The following RGPD8 variants were observed in gnomAD, a reference collection of about 807,000 sequenced individuals.
RGPD8 encodes the protein RANBP2 like and GRIP domain containing 8, also known as RANBP2-like and GRIP domain-containing protein 8.
RGPD8 carries 15 observed loss-of-function variants against 89.1 expected under a neutral mutation model. That is an observed-to-expected ratio of 0.17 (90% CI 0.11 to 0.26). RGPD8 has a LOEUF of 0.26. RGPD8 is among the 10% of genes least tolerant of loss of function. The probability of loss-of-function intolerance (pLI) is 1.00; values close to 1 mark genes in which losing one functional copy is unlikely to be tolerated. For synonymous variants in RGPD8, 62 were observed against 420.9 expected (o/e 0.15, Z 10.44); for missense variants, 178 against 1,179.6 (o/e 0.15, Z 12.44).
chr2:112,433,369 C>G lies in RGPD8; in HGVS notation c.72+13G>C, dbSNP rs776730268. On this transcript the variant is annotated intron_variant, in intron 1 of 22. Coordinates refer to ENST00000302558, the MANE Select transcript of RGPD8 (RefSeq NM_001164463.1). ...CCGGGTCGAGGCCGCCGCTCTCTTC[C>G]AGACCCACTCACCTGTCGAGGCGAC... The G allele has an allele frequency of 2.2e-5, 35 of 1,609,858 alleles. No individual in the cohort carries two copies. The highest frequency in any genetic ancestry group is 3.3e-5 in the South Asian group (3 of 90,924).
chr2:112,390,645 G>GTT (rs1396892301), intron 19 of RGPD8, among the ~76,000 whole-genome samples: 1 of 130,928 alleles, frequency 7.6e-6, no homozygotes, highest in East Asian at 2.1e-4. Flanking sequence ...TCAATCAATT[G>GTT]TTATATATAT....
At chr2:112,433,353 G>A (rs1392798645) in intron 1 of RGPD8, 29 bp downstream of exon 1, 2 of 1,594,510 alleles carry the variant, frequency 1.3e-6, no homozygotes, top group African/African-American at 1.4e-5. Flanking sequence ...GCCGGGTCGA[G>A]GCCGCCGCTC....
intron 1 of RGPD8, chr2:112,432,693 G>C (rs1276138429): frequency 1.0e-6 from 1 of 985,226 alleles, no homozygotes; most frequent in Non-Finnish European, 1.2e-6. Flanking sequence ...AAGCCCCCGA[G>C]AACTAGGCCG....
intron 1 of RGPD8, among the ~76,000 whole-genome samples, chr2:112,425,976 T>C (rs1284972064): frequency 6.6e-6 from 1 of 152,068 alleles, no homozygotes; most frequent in East Asian, 1.9e-4. Flanking sequence ...ACTAAGCACT[T>C]ATCACACACT....
intron 1 of RGPD8, among the ~76,000 whole-genome samples, chr2:112,432,978 C>G (rs1680117982): frequency 8.3e-6 from 1 of 120,694 alleles, no homozygotes; most frequent in African/African-American, 2.7e-5. Context: ...GAGGCCGCCG[C>G]CTCAACAGAG....
chr2:112,373,245 T>C (rs1228434113), intron 22 of RGPD8, among the ~76,000 whole-genome samples: 1 of 152,206 alleles, frequency 6.6e-6, no homozygotes, highest in Non-Finnish European at 1.5e-5. Flanking sequence ...AGAAGAGCAA[T>C]CTATACTTAC....
intron 22 of RGPD8, 141 bp from the exon 23 acceptor site, chr2:112,370,353 G>GA: frequency 1.9e-6 from 1 of 525,894 alleles, no homozygotes; most frequent in African/African-American, 2.2e-5. Flanking sequence ...TTTGGTGGGG[G>GA]GGGGGGTTCT....
At chr2:112,428,915 G>A (rs1182696046) in intron 1 of RGPD8, among the ~76,000 whole-genome samples, 2 of 151,642 alleles carry the variant, frequency 1.3e-5, no homozygotes, top group Non-Finnish European at 2.9e-5. Flanking sequence ...CCTGCACAAT[G>A]TGCACATGTA....
chr2:112,371,921 G>C (rs1418935727), intron 22 of RGPD8, among the ~76,000 whole-genome samples: 2 of 150,388 alleles, frequency 1.3e-5, no homozygotes, highest in African/African-American at 5.0e-5. Flanking sequence ...TGTTCTGTCT[G>C]GTTTTATCTG....
At chr2:112,416,373 T>C (rs1455362512) in intron 6 of RGPD8, among the ~76,000 whole-genome samples, 3 of 150,670 alleles carry the variant, frequency 2.0e-5, no homozygotes, top group East Asian at 1.9e-4. Context: ...TTATACCAGA[T>C]GGGGAAATAA....
intron 1 of RGPD8, chr2:112,432,598 C>G (rs1175335387): frequency 1.0e-6 from 1 of 985,108 alleles, no homozygotes; most frequent in African/African-American, 1.7e-5. Flanking sequence ...TCCTCCAGGC[C>G]AAGGAGGTAC....
At chr2:112,429,849 A>T (rs1255905391) in intron 1 of RGPD8, among the ~76,000 whole-genome samples, 1 of 152,080 alleles carries the variant, frequency 6.6e-6, no homozygotes, top group Non-Finnish European at 1.5e-5. Flanking sequence ...GCTCTGTCAC[A>T]CAGGCTGGAG....
intron 4 of RGPD8, among the ~76,000 whole-genome samples, chr2:112,419,912 T>C (rs1166468349): frequency 7.4e-6 from 1 of 135,740 alleles, no homozygotes; most frequent in African/African-American, 2.8e-5. Flanking sequence ...TTTGGAAGCA[T>C]CTTCAATGCT....
In RGPD8 at chr2:112,422,703, G is replaced by A. The variant is rs1679608048; in HGVS notation, c.141-44C>T. ...ACAAAAGTAAATTAAACTTAGAACT[G>A]TACTTTTAAATGCTAACCGAAGAAT... On this transcript the variant is annotated intron_variant, in intron 2 of 22. Transcript: ENST00000302558. The A allele has an allele frequency of 1.8e-5, 12 of 683,730 alleles. No homozygotes were observed. The South Asian group carries it at 2.3e-4, about 13-fold the overall frequency. 42.4% of individuals were successfully genotyped at this position (683,730 alleles called of 1,614,324 possible). A position where few individuals can be genotyped will look rare whatever the true frequency, so the allele number is the denominator to read the frequency against.
In RGPD8 at chr2:112,433,566, G is replaced by T; in HGVS notation, c.-113C>A. 1 of 1,160,294 alleles carries T rather than the reference G, an allele frequency of 8.6e-7. No homozygotes were observed. Among genetic ancestry groups the T allele is most frequent in the Non-Finnish European group, 1.2e-6 (1 of 834,638 alleles). 71.9% of individuals were successfully genotyped at this position (1,160,294 alleles called of 1,614,324 possible). A position where few individuals can be genotyped will look rare whatever the true frequency, so the allele number is the denominator to read the frequency against. On this transcript the variant is annotated 5_prime_UTR_variant, in exon 1 of 23. Coordinates refer to ENST00000302558, the MANE Select transcript of RGPD8 (RefSeq NM_001164463.1). Reference sequence around the variant, plus strand: ...CCACTGAAGCAGCGGCGTAGCCGGCGGAGGCCCACTGTGACGAGCGTGCGG... The same window carrying T: ...CCACTGAAGCAGCGGCGTAGCCGGCTGAGGCCCACTGTGACGAGCGTGCGG...
At chr2:112,415,312 G>T (rs1344670856) in intron 6 of RGPD8, among the ~76,000 whole-genome samples, 5 of 152,218 alleles carry the variant, frequency 3.3e-5, no homozygotes, top group Admixed American at 1.3e-4. Flanking sequence ...ATGAACCTGG[G>T]AGGTTCACAA....
intron 1 of RGPD8, among the ~76,000 whole-genome samples, chr2:112,431,042 A>G (rs1249765763): frequency 6.6e-6 from 1 of 152,216 alleles, no homozygotes; most frequent in Non-Finnish European, 1.5e-5. Context: ...ACTTGAGCCC[A>G]GGAGTTCAAG....
At chr2:112,379,581 C>T (rs916504541) in intron 21 of RGPD8, among the ~76,000 whole-genome samples, 5 of 140,702 alleles carry the variant, frequency 3.6e-5, no homozygotes, top group African/African-American at 1.3e-4. Flanking sequence ...GGTGACAGAG[C>T]GAGACTATCT....
intron 20 of RGPD8, among the ~76,000 whole-genome samples, chr2:112,382,021 T>TG (rs1678321822): frequency 6.6e-6 from 1 of 152,116 alleles, no homozygotes; most frequent in African/African-American, 2.4e-5. Context: ...ACCCTTAATC[T>TG]GGTAGGTGCC....
Sources: gnomAD v4.1 joint callset for allele counts (sites outside exome capture counted in the v4.1 genomes callset) on GRCh38, gnomAD v4.1.1 for gene constraint, MANE v1.5 for transcripts, NCBI Gene and HGNC (gene_info 2026-07-23, HGNC 2026-07-21) for gene names.